Variants in RC3H1 observed in about 807,000 individuals in gnomAD.
RC3H1 encodes the protein roquin-1.
RC3H1 carries 50 observed loss-of-function variants against 138.2 expected under a neutral mutation model. That is an observed-to-expected ratio of 0.36 (90% confidence interval 0.29 to 0.46). RC3H1 has a LOEUF of 0.46. Among genes scored for constraint, RC3H1 ranks in the 20% least tolerant of loss-of-function variants. The pLI is 1.00. For missense variants in RC3H1, 1,031 were observed against 1,388.1 expected (o/e 0.74, Z 4.09); for synonymous variants, 462 against 489.1 (o/e 0.94, Z 0.73).
At chr1:173,964,587 G>A (rs1262087507) in intron 10 of RC3H1, among the ~76,000 whole-genome samples, 1 of 150,812 alleles carries the variant, frequency 6.6e-6, no homozygotes, top group Non-Finnish European at 1.5e-5. Flanking sequence ...GGCTGGTCTC[G>A]AACTTCTGGC....
intron 1 of RC3H1, among the ~76,000 whole-genome samples, chr1:173,993,457 T>G (rs1225106089): frequency 6.6e-6 from 1 of 151,624 alleles, no homozygotes; most frequent in East Asian, 2.0e-4. Flanking sequence ...TTGCCCAGGC[T>G]GGAGTGCAAT....
At chr1:174,019,004 A>C (rs905692368) in intron 1 of RC3H1, among the ~76,000 whole-genome samples, 20 of 152,224 alleles carry the variant, frequency 1.3e-4, no homozygotes, top group Non-Finnish European at 2.2e-4. Context: ...AAGAACTTCA[A>C]ATATTAGCTG....
intron 1 of RC3H1, among the ~76,000 whole-genome samples, chr1:174,005,501 G>A (rs1451909172): frequency 6.6e-6 from 1 of 152,048 alleles, no homozygotes; most frequent in East Asian, 1.9e-4. Context: ...TATTGATGTA[G>A]GAATTTGAAA....
rs1045655358 is a variant in RC3H1, at chr1:173,983,503, G to A, written c.507C>T (p.Leu169=). 1.2e-6 allele frequency: 2 copies of A among 1,614,206 alleles called. No individual in the cohort carries two copies. Among genetic ancestry groups the A allele is most frequent in the Admixed American group, 1.7e-5 (1 of 60,022 alleles). Residue 169 remains leucine (L), a synonymous_variant, in exon 4 of 20, where the codon CTC becomes CTT. Coordinates refer to ENST00000367696, the MANE Select transcript of RC3H1 (RefSeq NM_172071.4). ...RSLGERTVTE[L]ILQHQNPQQL... The stretch of plus-strand genomic sequence containing the variant: ...GCTGAGGATTCTGGTGCTGGAGAAT[G>A]AGCTCTGTAACTGTTCGTTCACCTA...
rs756685528 is a variant in RC3H1 at position 173,992,957 on chromosome 1, TC to T, written c.28del (p.Asp10IlefsTer33). 6.2e-7 allele frequency: 1 copy of T among 1,613,882 alleles called. No individual in the cohort carries two copies. Among genetic ancestry groups the T allele is most frequent in the South Asian group, 1.1e-5 (1 of 91,080 alleles). ...AGTGCAAATTGGGCAGGAGAGGAAA[TC>T]CGTCCATTGTGGAGCTTGTACAGGC... Reference protein sequence around the residue: MPVQAPQWTDFLSCPICTQT... With the variant: MPVQAPQWTXFLSCPICTQT... On this transcript the variant is annotated frameshift_variant, in exon 2 of 20. Transcript: ENST00000367696. LOFTEE classifies it high-confidence loss of function.
chr1:173,939,430 C>G (rs2102831300), intron 19 of RC3H1, among the ~76,000 whole-genome samples: 1 of 147,030 alleles, frequency 6.8e-6, no homozygotes, highest in East Asian at 2.0e-4. Context: ...ACTAGGGAGG[C>G]AGAGGCACAA....
At chr1:174,005,488 T>C (rs1437478882) in intron 1 of RC3H1, among the ~76,000 whole-genome samples, 2 of 152,210 alleles carry the variant, frequency 1.3e-5, no homozygotes, top group Admixed American at 6.5e-5. Context: ...AGAAAACATA[T>C]AATATTGATG....
chr1:173,970,372 T>C, intron 9 of RC3H1, 133 bp downstream of exon 9: 1 of 642,344 alleles, frequency 1.6e-6, no homozygotes, highest in Non-Finnish European at 2.7e-6. Context: ...AGAATAGGAA[T>C]GTTCAAGCTG....
intron 1 of RC3H1, among the ~76,000 whole-genome samples, chr1:174,011,617 G>A (rs949843276): frequency 6.6e-6 from 1 of 151,766 alleles, no homozygotes; most frequent in African/African-American, 2.4e-5. Context: ...ACCATAAGCA[G>A]TACGATTATT....
rs2102824229 is a variant in RC3H1, at chr1:173,937,341, T to C, written c.*1380A>G. On this transcript the variant is annotated 3_prime_UTR_variant, in exon 20 of 20. Coordinates refer to ENST00000367696, the MANE Select transcript of RC3H1 (RefSeq NM_172071.4). ...TCAACCAAAGCAATGTAGTAACTTA[T>C]TACATAACCAGTGCTTTCTAATTTA... 6.6e-6 allele frequency: 1 copy of C among 152,552 alleles called. No homozygotes were observed. Among genetic ancestry groups the C allele is most frequent in the South Asian group, 2.1e-4 (1 of 4,820 alleles). 9.4% of individuals were successfully genotyped at this position (152,552 alleles called of 1,614,324 possible).
intron 1 of RC3H1, among the ~76,000 whole-genome samples, chr1:173,993,639 C>T (rs1049109228): frequency 1.1e-4 from 16 of 151,716 alleles, no homozygotes; most frequent in African/African-American, 2.9e-4. Flanking sequence ...ATGATCCTCC[C>T]GCCTTGGCAT....
In RC3H1 at chr1:173,936,730, C is replaced by CATATATAT. The variant is rs1210669077; in HGVS notation, c.*1983_*1990dup. On this transcript the variant is annotated 3_prime_UTR_variant, in exon 20 of 20. Coordinates refer to ENST00000367696, the MANE Select transcript of RC3H1 (RefSeq NM_172071.4). Reference sequence around the variant, plus strand: ...AGCCAAAAAAAAAAGAAAAAGCATACATATATATATATATATATATATATA... The same window carrying CATATATAT: ...AGCCAAAAAAAAAAGAAAAAGCATACATATATATATATATATATATATATATATATATA... 5 of 46,788 alleles carry CATATATAT rather than the reference C, an allele frequency of 1.1e-4. No homozygotes were observed. The highest frequency in any genetic ancestry group is 9.0e-4 in the South Asian group (1 of 1,108). 2.9% of individuals were successfully genotyped at this position (46,788 alleles called of 1,614,324 possible).
intron 8 of RC3H1, among the ~76,000 whole-genome samples, chr1:173,971,447 G>C (rs1320573561): frequency 6.6e-6 from 1 of 152,044 alleles, no homozygotes; most frequent in East Asian, 1.9e-4. Context: ...AATTCTTCTT[G>C]ACATGCAGAA....
chr1:173,954,253 AT>A (rs1481093415), intron 13 of RC3H1, among the ~76,000 whole-genome samples: 1 of 152,242 alleles, frequency 6.6e-6, no homozygotes, highest in Non-Finnish European at 1.5e-5. Context: ...ACATAAAAAA[AT>A]AAATCCTGTC....
At chr1:173,954,053 A>T (rs1010212385) in intron 13 of RC3H1, among the ~76,000 whole-genome samples, 4 of 152,028 alleles carry the variant, frequency 2.6e-5, no homozygotes, top group African/African-American at 9.7e-5. Flanking sequence ...AATAATAATA[A>T]TAATAATACA....
At chr1:174,007,022 C>T (rs913619009) in intron 1 of RC3H1, among the ~76,000 whole-genome samples, 1 of 152,080 alleles carries the variant, frequency 6.6e-6, no homozygotes, top group Non-Finnish European at 1.5e-5. Flanking sequence ...CCAATGATTA[C>T]TCCTTTATTC....
rs1658413470 is a variant in RC3H1, at chr1:173,932,300, C to T, written c.*6421G>A. The stretch of plus-strand genomic sequence containing the variant: ...AGGTGATAATGACTGCAGAATGTCT[C>T]GGGGAGACTGATATGAGCCTAAAGA... On this transcript the variant is annotated 3_prime_UTR_variant, in exon 20 of 20. Coordinates refer to ENST00000367696, the MANE Select transcript of RC3H1 (RefSeq NM_172071.4). 1.3e-5 allele frequency: 2 copies of T among 151,758 alleles called. No homozygotes were observed. Among genetic ancestry groups the T allele is most frequent in the East Asian group, 1.9e-4 (1 of 5,168 alleles). The allele number at this position is 151,758 out of a possible 1,614,324, so 9.4% of individuals were successfully genotyped here.
intron 7 of RC3H1, among the ~76,000 whole-genome samples, chr1:173,973,247 A>G (rs1272817918): frequency 6.6e-6 from 1 of 152,194 alleles, no homozygotes; most frequent in Admixed American, 6.5e-5. Flanking sequence ...AAGCTTAAAA[A>G]GTTTAATAAG....
rs1660910749 is a variant in RC3H1 at position 173,983,667 on chromosome 1, A to G, written c.353-10T>C. On this transcript the variant is annotated splice_polypyrimidine_tract_variant and intron_variant, in intron 3 of 19. Coordinates refer to ENST00000367696, the MANE Select transcript of RC3H1 (RefSeq NM_172071.4). ...CTGTTCAGACCCACTCCTTTAAAAG[A>G]GTAAAGAAGTTATTCCTAGGTTCAC... The G allele has an allele frequency of 1.2e-6, 2 of 1,611,576 alleles. No homozygotes were observed. The highest frequency in any genetic ancestry group is 8.5e-7 in the Non-Finnish European group (1 of 1,178,436).
Sources: gnomAD v4.1 joint callset for allele counts (sites outside exome capture counted in the v4.1 genomes callset) on GRCh38, gnomAD v4.1.1 for gene constraint, MANE v1.5 for transcripts, NCBI Gene and HGNC (gene_info 2026-07-23, HGNC 2026-07-21) for gene names.